PKN3: variants seen among roughly 807,000 people sequenced by gnomAD.
PKN3 encodes the protein serine/threonine-protein kinase N3.
Under a neutral mutation model 113.1 loss-of-function variants are expected in PKN3, and 91 were observed. The ratio of observed to expected loss-of-function variants is 0.80; its 90% CI spans 0.68 to 0.96. The LOEUF is 0.96. Ranked by LOEUF, PKN3 falls within the 40% of genes least tolerant of loss-of-function variation. The pLI, the probability that PKN3 is intolerant of heterozygous loss-of-function variation, is 0.00. For missense variants in PKN3, 1,052 were observed against 1,202.2 expected, an observed-to-expected ratio of 0.88 and a Z score of 1.85; for synonymous variants, 467 against 499.0, an observed-to-expected ratio of 0.94 and a Z score of 0.85.
Position 128,713,143 on chromosome 9 carries a change from CGAG to C in PKN3, c.929_931del (p.Glu310del), listed in dbSNP as rs780858124. On this transcript the variant is annotated inframe_deletion, in exon 7 of 22. Transcript: ENST00000291906. ...CGGCCGCACTGGCCAGCAGCCCCTC[CGAG>C]GGCTGGCTTCGGACCAAGGCCAAGC... 18 of 1,611,782 alleles carry C rather than the reference CGAG, an allele frequency of 1.1e-5. No homozygotes were observed. Among genetic ancestry groups the C allele is most frequent in the Non-Finnish European group, 1.5e-5 (18 of 1,178,922 alleles).
rs1293160737 is a variant in PKN3 at position 128,704,219 on chromosome 9, G to A, written c.25-1084G>A. On this transcript the variant is annotated intron_variant, in intron 1 of 21. Transcript: ENST00000291906. ...CCTTTGGCACCGGTTGGTTTGAAATGCTGGCGGCTGGAAAGGAGGTGTTCC... is the reference window on the plus strand; with the variant it reads ...CCTTTGGCACCGGTTGGTTTGAAATACTGGCGGCTGGAAAGGAGGTGTTCC... 14 of 865,928 alleles carry A rather than the reference G, an allele frequency of 1.6e-5. No individual in the cohort carries two copies. The East Asian group carries it at 3.6e-4, about 22-fold the overall frequency. 53.6% of individuals were successfully genotyped at this position (865,928 alleles called of 1,614,324 possible).
intron 6 of PKN3, among the ~76,000 whole-genome samples, chr9:128,708,782 G>T (rs1167722592): frequency 6.6e-6 from 1 of 151,458 alleles, no homozygotes; most frequent in African/African-American, 2.4e-5. Context: ...GGCAGAGGTT[G>T]CAGTAAGCCA....
chr9:128,714,129 G>A lies in PKN3; in HGVS notation c.1312+8G>A, dbSNP rs1249094000. On this transcript the variant is annotated splice_region_variant and intron_variant, in intron 10 of 21. Transcript: ENST00000291906. Reference sequence around the variant, plus strand: ...TCTTCTCTAAACGCAGAGGTGTGGAGGGAATGGGGGCTATGTGTGAGGGAG... The same window carrying A: ...TCTTCTCTAAACGCAGAGGTGTGGAAGGAATGGGGGCTATGTGTGAGGGAG... 1 of 1,614,118 alleles carries A rather than the reference G, an allele frequency of 6.2e-7. No individual in the cohort carries two copies. Among genetic ancestry groups the A allele is most frequent in the African/African-American group, 1.3e-5 (1 of 75,034 alleles).
rs768838003 is a variant in PKN3 at position 128,715,136 on chromosome 9, C to T, written c.1653-36C>T. On this transcript the variant is annotated intron_variant, in intron 13 of 21. Transcript: ENST00000291906. The surrounding 1 kb of genome is among the most constrained non-coding windows in gnomAD (Gnocchi z 4.1). ...CTCTGGGTAGGGGCCCAGCCAGTGC[C>T]CTAGGGGACTTCATATACCCTCTCT... is the stretch of plus-strand genomic sequence containing the variant. 6 of 1,604,038 alleles carry T rather than the reference C, an allele frequency of 3.7e-6. 1 individual carries two copies. In the South Asian group the frequency reaches 4.4e-5, roughly 12 times the overall value.
At position 128,716,919 on chromosome 9, in the gene PKN3, GC is replaced by G; in HGVS notation, c.1984del (p.Arg662AlafsTer24). 6.2e-7 allele frequency: 1 copy of G among 1,613,498 alleles called. No homozygotes were observed. Among genetic ancestry groups the G allele is most frequent in the Non-Finnish European group, 8.5e-7 (1 of 1,179,798 alleles). On this transcript the variant is annotated frameshift_variant, in exon 16 of 22. Coordinates refer to ENST00000291906, the MANE Select transcript of PKN3 (RefSeq NM_013355.5). LOFTEE classifies it high-confidence loss of function. ...CGAGGATGTCTTCCCCGAGCCCCAGGCCCGGTGGGTTCCATCCCTCCTGCCT... is the reference window on the plus strand; with the variant it reads ...CGAGGATGTCTTCCCCGAGCCCCAGGCCGGTGGGTTCCATCCCTCCTGCCT... ...IHEDVFPEPQ[A>X]RFYVACVVLG...
At chr9:128,712,169 C>G (rs1182087442) in intron 6 of PKN3, among the ~76,000 whole-genome samples, 1 of 152,188 alleles carries the variant, frequency 6.6e-6, no homozygotes, top group Non-Finnish European at 1.5e-5. Context: ...CTTGGTCTCC[C>G]AAAGTGTTGG....
rs889633673 is a variant in PKN3 at position 128,715,614 on chromosome 9, C to T, written c.1808+154C>T. ...CACCTGCAGTTGTTAACTGTGTTTC[C>T]TTGGGCAGGTCCCCTCTTCTCTCTG... On this transcript the variant is annotated intron_variant, in intron 15 of 21. Coordinates refer to ENST00000291906, the MANE Select transcript of PKN3 (RefSeq NM_013355.5). The surrounding 1 kb of genome is among the most constrained non-coding windows in gnomAD (Gnocchi z 4.1). 6.6e-6 allele frequency among the ~76,000 whole-genome samples: 1 copy of T among 152,152 alleles called. No individual in the cohort carries two copies. Among genetic ancestry groups the T allele is most frequent in the Non-Finnish European group, 1.5e-5 (1 of 68,018 alleles).
In PKN3 at chr9:128,713,218, C is replaced by T; in HGVS notation, c.982+20C>T. The T allele has an allele frequency of 3.7e-6, 6 of 1,609,470 alleles. No homozygotes were observed. The highest frequency in any genetic ancestry group is 5.1e-6 in the Non-Finnish European group (6 of 1,176,972). ...TTGCCAGTGAGTAGGGAAGGAGCTT[C>T]AGGGGGAGCAGGAGACCCCTGCTTC... On this transcript the variant is annotated intron_variant, in intron 7 of 21. Transcript: ENST00000291906.
At position 128,717,890 on chromosome 9, in the gene PKN3, C is replaced by G. The variant is rs999963090; in HGVS notation, c.1986-435C>G. Among the ~76,000 whole-genome samples the G allele has an allele frequency of 2.7e-4, 38 of 142,842 alleles. 1 individual carries two copies. Among genetic ancestry groups the G allele is most frequent in the Admixed American group, 2.3e-3 (33 of 14,184 alleles). 93.7% of individuals were successfully genotyped at this position (142,842 alleles called of 152,430 possible). On this transcript the variant is annotated intron_variant, in intron 16 of 21. Transcript: ENST00000291906. Reference sequence around the variant, plus strand: ...AAAAAAAAAAAAAAAAAAAAATTAGCTGGGCGTGGTGGCGCGTGCCTGTAG... The same window carrying G: ...AAAAAAAAAAAAAAAAAAAAATTAGGTGGGCGTGGTGGCGCGTGCCTGTAG...
In PKN3 at chr9:128,714,196, G is replaced by C. The variant is rs906923579; in HGVS notation, c.1313-1G>C. ...GGACTAAGCTCCCCCTTTTCTCCCA[G>C]GCCAGGACTTCCTGAGGGCTTCGCA... On this transcript the variant is annotated splice_acceptor_variant, in intron 10 of 21. Transcript: ENST00000291906. LOFTEE classifies it high-confidence loss of function. 6.2e-7 allele frequency: 1 copy of C among 1,614,056 alleles called. No individual in the cohort carries two copies. The highest frequency in any genetic ancestry group is 1.7e-5 in the Admixed American group (1 of 60,000).
In PKN3 at chr9:128,720,312, T is replaced by C. The variant is rs1419439598; in HGVS notation, c.2457+29T>C. On this transcript the variant is annotated intron_variant, in intron 21 of 21. Transcript: ENST00000291906. The surrounding 1 kb of genome is among the most constrained non-coding windows in gnomAD (Gnocchi z 5.5). ...AGCGGCTGGGGTGGCGGTGGTCCCCTGTGCCTGGCAGGGTAGGTGGCATGG... is the reference window on the plus strand; with the variant it reads ...AGCGGCTGGGGTGGCGGTGGTCCCCCGTGCCTGGCAGGGTAGGTGGCATGG... The C allele has an allele frequency of 6.2e-7, 1 of 1,612,586 alleles. No homozygotes were observed. Among genetic ancestry groups the C allele is most frequent in the Non-Finnish European group, 8.5e-7 (1 of 1,178,998 alleles).
chr9:128,715,558 G>C lies in PKN3; in HGVS notation c.1808+98G>C, dbSNP rs146608477. The C allele has an allele frequency of 1.2e-6, 1 of 833,144 alleles. No individual in the cohort carries two copies. The highest frequency in any genetic ancestry group is 2.0e-6 in the Non-Finnish European group (1 of 507,776). 51.6% of individuals were successfully genotyped at this position (833,144 alleles called of 1,614,324 possible). ...CCTGGGGCTTTGGAGAGGTGACCCCGTGGGGCCAGCCAGCCTGCATTCTCT... is the reference window on the plus strand; with the variant it reads ...CCTGGGGCTTTGGAGAGGTGACCCCCTGGGGCCAGCCAGCCTGCATTCTCT... On this transcript the variant is annotated intron_variant, in intron 15 of 21. Transcript: ENST00000291906. This position sits in a 1 kb window ranked among gnomAD's most constrained non-coding sequence, Gnocchi z 4.1.
At position 128,714,889 on chromosome 9, in the gene PKN3, T is replaced by C. The variant is rs199965225; in HGVS notation, c.1652+24T>C. 156 of 1,604,176 alleles carry C rather than the reference T, an allele frequency of 9.7e-5. No individual in the cohort carries two copies. In the African/African-American group the frequency reaches 1.8e-3, roughly 19 times the overall value. On this transcript the variant is annotated intron_variant, in intron 13 of 21. Transcript: ENST00000291906. ...AGGTACCCCATCCTGCGCACCTTCA[T>C]GTTTGAGACGTTCGTCTGCTTGCTT... is the stretch of plus-strand genomic sequence containing the variant.
rs1201590118 is a variant in PKN3 at position 128,713,035 on chromosome 9, GCTCA to G, written c.836-13_836-10del. The stretch of plus-strand genomic sequence containing the variant: ...AAGATGGCATCTGACAACGCCCCCC[GCTCA>G]CTCTCCCCACAGGGACACTGCAGGT... On this transcript the variant is annotated splice_polypyrimidine_tract_variant and intron_variant, in intron 6 of 21. Transcript: ENST00000291906. 3.8e-6 allele frequency: 6 copies of G among 1,578,504 alleles called. No homozygotes were observed. The highest frequency in any genetic ancestry group is 1.8e-5 in the Admixed American group (1 of 56,208).
chr9:128,707,529 CCTTGG>C, intron 6 of PKN3, 124 bp downstream of exon 6: 3 of 758,638 alleles, frequency 4.0e-6, no homozygotes, highest in Non-Finnish European at 6.3e-6. Context: ...AGCAGCGTGA[CCTTGG>C]CAAACTGACA....
rs748472968 is a variant in PKN3 at position 128,713,292 on chromosome 9, G to A, written c.997G>A (p.Val333Met). The A allele has an allele frequency of 3.1e-6, 5 of 1,613,966 alleles. No homozygotes were observed. In the Admixed American group the frequency reaches 5.0e-5, roughly 16 times the overall value. The change falls in exon 8 of 22, where the codon GTG becomes ATG. Residue 333 changes from valine (V) to methionine (M), a missense_variant. Val to Met is a conservative substitution (Grantham distance 21). Transcript: ENST00000291906. ...TGGCCCTGCAGGCGAGGTGCTGGCT[G>A]TGCTAAAGGTGGACAACCGTGTTGT... ...RGELASEVLA[V>M]LKVDNRVVGQ...
chr9:128,702,645 C>T lies in PKN3; in HGVS notation c.-271C>T, dbSNP rs1861887826. 7.2e-6 allele frequency: 3 copies of T among 417,976 alleles called. No individual in the cohort carries two copies. The highest frequency in any genetic ancestry group is 6.4e-4 in the Middle Eastern group (1 of 1,574). 25.9% of individuals were successfully genotyped at this position (417,976 alleles called of 1,614,324 possible). On this transcript the variant is annotated 5_prime_UTR_variant, in exon 1 of 22. Transcript: ENST00000291906. ...AGCGGGAACCGCAGGCGCCGAAGCC[C>T]GGGTACTGGGCCCAGAATCCCGCGG...
chr9:128,720,607 G>A lies in PKN3; in HGVS notation c.*1G>A. On this transcript the variant is annotated 3_prime_UTR_variant, in exon 22 of 22. Transcript: ENST00000291906. The surrounding 1 kb of genome is among the most constrained non-coding windows in gnomAD (Gnocchi z 5.5). ...GTCAGAGCGATTCCTGGAACCCTGA[G>A]GGCATCTCCTGGCACCTCTGTCCCC... is the stretch of plus-strand genomic sequence containing the variant. The A allele has an allele frequency of 6.2e-7, 1 of 1,612,042 alleles. No homozygotes were observed. Among genetic ancestry groups the A allele is most frequent in the Non-Finnish European group, 8.5e-7 (1 of 1,179,220 alleles).
At chr9:128,717,147 A>G (rs1393267290) in intron 16 of PKN3, among the ~76,000 whole-genome samples, 1 of 2,440 alleles carries the variant, frequency 4.1e-4, no homozygotes, top group Non-Finnish European at 9.9e-4. Context: ...TTTTTTTGTG[A>G]GACAGAGTCT....
Sources: allele counts gnomAD v4.1 joint callset (sites outside exome capture counted in the v4.1 genomes callset), GRCh38; gene constraint gnomAD v4.1.1; non-coding constraint Gnocchi (gnomAD v3.1); transcripts MANE v1.5; gene names NCBI Gene and HGNC (gene_info 2026-07-23, HGNC 2026-07-21).